The following STAU1 variants were observed in gnomAD, a reference collection of about 807,000 sequenced individuals.
STAU1 encodes staufen double-stranded RNA binding protein 1.
A neutral mutation model predicts 62.9 loss-of-function variants in STAU1; 13 were observed. The observed-to-expected ratio is 0.21, with a 90% CI of 0.13 to 0.33. The LOEUF (loss-of-function observed/expected upper bound fraction) is 0.33, where lower values mean the gene tolerates loss of function less well. Among genes scored for constraint, STAU1 ranks in the 10% least tolerant of loss-of-function variants. The pLI, the probability that STAU1 is intolerant of heterozygous loss-of-function variation, is 1.00. For missense variants in STAU1, 571 were observed against 712.1 expected (o/e 0.80, Z 2.25); for synonymous variants, 269 against 265.1 (o/e 1.01, Z -0.14).
intron 1 of STAU1, among the ~76,000 whole-genome samples, chr20:49,177,796 CAAAG>C (rs2093677844): frequency 6.6e-6 from 1 of 151,996 alleles, no homozygotes. Flanking sequence ...ATCAACTTAG[CAAAG>C]AAAGAAGAGA....
chr20:49,166,148 GCTCC>G lies in STAU1; in HGVS notation c.50_53del (p.Gly17AlafsTer4). ...GAGACTGGTTCTTGTTCAGTATTTG[GCTCC>G]CTGAGAGAGCAGCAGATGGGTTCTG... On this transcript the variant is annotated frameshift_variant, in exon 3 of 14. Transcript: ENST00000371856. LOFTEE classifies it high-confidence loss of function. The G allele has an allele frequency of 6.2e-7, 1 of 1,614,148 alleles. No individual in the cohort carries two copies. The highest frequency in any genetic ancestry group is 8.5e-7 in the Non-Finnish European group (1 of 1,180,018).
At chr20:49,146,647 G>A (rs886735481) in intron 5 of STAU1, among the ~76,000 whole-genome samples, 15 of 151,582 alleles carry the variant, frequency 9.9e-5, no homozygotes, top group African/African-American at 3.2e-4. Flanking sequence ...AGGCTGCAGT[G>A]AGCCTGCATG....
chr20:49,118,193 G>T, intron 10 of STAU1, 97 bp from the exon 11 acceptor site: 1 of 1,385,568 alleles, frequency 7.2e-7, no homozygotes, highest in South Asian at 1.2e-5. Context: ...CCCTTGGCAC[G>T]CATGGCAGCG....
the STAU1 span, among the ~76,000 whole-genome samples, chr20:49,208,376 T>G: frequency 6.6e-6 from 1 of 152,012 alleles, no homozygotes. Flanking sequence ...TATTTTTTTG[T>G]ATTTTTAGTA....
In STAU1 at chr20:49,117,355, A is replaced by G; in HGVS notation, c.1510-107T>C. 1 of 1,417,870 alleles carries G rather than the reference A, an allele frequency of 7.1e-7. No homozygotes were observed. Among genetic ancestry groups the G allele is most frequent in the Non-Finnish European group, 9.7e-7 (1 of 1,030,920 alleles). The allele number at this position is 1,417,870 out of a possible 1,614,324, so 87.8% of individuals were successfully genotyped here. On this transcript the variant is annotated intron_variant, in intron 11 of 13. Transcript: ENST00000371856. This position sits in a 1 kb window ranked among gnomAD's most constrained non-coding sequence, Gnocchi z 4.6. Reference sequence around the variant, plus strand: ...AGCAAGATCACCAGCTCTTTTTTCCAACTCAGCCCCACTGTGGCCATACTA... The same window carrying G: ...AGCAAGATCACCAGCTCTTTTTTCCGACTCAGCCCCACTGTGGCCATACTA...
the STAU1 span, among the ~76,000 whole-genome samples, chr20:49,196,032 A>G: frequency 2.7e-5 from 4 of 148,638 alleles, no homozygotes; most frequent in Non-Finnish European, 6.0e-5. Flanking sequence ...TGAGGTCAGG[A>G]GAATAGCCTG....
intron 6 of STAU1, among the ~76,000 whole-genome samples, chr20:49,133,162 C>A (rs1206435807): frequency 6.6e-6 from 1 of 152,172 alleles, no homozygotes; most frequent in Non-Finnish European, 1.5e-5. Context: ...GAGTTGAGAG[C>A]CAGATCTGAA....
At chr20:49,135,464 GA>G (rs1463963072) in intron 6 of STAU1, among the ~76,000 whole-genome samples, 1 of 152,212 alleles carries the variant, frequency 6.6e-6, no homozygotes, top group Non-Finnish European at 1.5e-5. Flanking sequence ...AAATTACTCT[GA>G]AGAGACCTTT....
intron 3 of STAU1, among the ~76,000 whole-genome samples, chr20:49,159,707 C>T (rs186170466): frequency 5.9e-4 from 90 of 152,230 alleles, no homozygotes; most frequent in Middle Eastern, 6.8e-3. Flanking sequence ...ACTACAGGTG[C>T]GCACCACCAC....
chr20:49,124,342 G>A (rs577912484), intron 7 of STAU1, 33 bp downstream of exon 7: 18 of 1,606,466 alleles, frequency 1.1e-5, no homozygotes, highest in Admixed American at 3.4e-5. Context: ...TATAAGTAAT[G>A]AAAACACCTT....
rs779906927 is a variant in STAU1, at chr20:49,172,158, TGTAACAG to T, written c.-85+2030_-85+2036del. Among the ~76,000 whole-genome samples the T allele has an allele frequency of 9.2e-5, 14 of 152,284 alleles. 1 individual carries two copies. Among genetic ancestry groups the T allele is most frequent in the Middle Eastern group, 6.8e-3 (2 of 294 alleles). On this transcript the variant is annotated intron_variant, in intron 2 of 13. Transcript: ENST00000371856. ...ATGGAGGACTTTCTTTCCACACAAA[TGTAACAG>T]TTGGGAGGTCAGATGGTCTGCTTAA...
chr20:49,119,835 G>A, intron 9 of STAU1, 147 bp downstream of exon 9: 1 of 988,572 alleles, frequency 1.0e-6, no homozygotes, highest in Non-Finnish European at 1.4e-6. Context: ...GCACATTATG[G>A]TCCAAATGGA....
At chr20:49,142,412 A>G (rs556683712) in intron 5 of STAU1, among the ~76,000 whole-genome samples, 2 of 152,230 alleles carry the variant, frequency 1.3e-5, no homozygotes, top group East Asian at 3.9e-4. Context: ...TTAAATAACA[A>G]TTTATACTAA....
chr20:49,151,444 TA>T, intron 5 of STAU1, 137 bp downstream of exon 5: 1 of 871,150 alleles, frequency 1.1e-6, no homozygotes, highest in East Asian at 3.1e-5. Flanking sequence ...CTACAGAGCA[TA>T]AAATCTTGGA....
At position 49,127,077 on chromosome 20, in the gene STAU1, G is replaced by A. The variant is rs555314791; in HGVS notation, c.610-2490C>T. On this transcript the variant is annotated intron_variant, in intron 6 of 13. Coordinates refer to ENST00000371856, the MANE Select transcript of STAU1 (RefSeq NM_017453.4). The stretch of plus-strand genomic sequence containing the variant: ...TCCTCAAAATTAAAAACCACTGGCC[G>A]GGCGCGGTGGCTCACGCCTGTAATC... Among the ~76,000 whole-genome samples, 8 of 152,268 alleles carry A rather than the reference G, an allele frequency of 5.3e-5. No homozygotes were observed. The South Asian group carries it at 6.2e-4, about 12-fold the overall frequency.
rs1568822470 is a variant in STAU1, at chr20:49,121,133, GT to G, written c.967-1006del. Reference sequence around the variant, plus strand: ...AATAAAAAACATCAACCAGCCGGGCGTGGTGGCTCACGCCTGTAATCCCAGC... The same window carrying G: ...AATAAAAAACATCAACCAGCCGGGCGGGTGGCTCACGCCTGTAATCCCAGC... On this transcript the variant is annotated intron_variant, in intron 8 of 13. Transcript: ENST00000371856. Among the ~76,000 whole-genome samples, 6 of 152,208 alleles carry G rather than the reference GT, an allele frequency of 3.9e-5. No individual in the cohort carries two copies. In the South Asian group the frequency reaches 1.2e-3, roughly 32 times the overall value.
chr20:49,120,400 T>C (rs1250825766), intron 8 of STAU1, among the ~76,000 whole-genome samples: 1 of 152,228 alleles, frequency 6.6e-6, no homozygotes, highest in Non-Finnish European at 1.5e-5. Flanking sequence ...TATAATCATC[T>C]GTGTTCTGAG....
At position 49,142,173 on chromosome 20, in the gene STAU1, G is replaced by A. The variant is rs1029007470; in HGVS notation, c.511-6242C>T. 5.9e-5 allele frequency among the ~76,000 whole-genome samples: 9 copies of A among 152,140 alleles called. No homozygotes were observed. In the South Asian group the frequency reaches 8.3e-4, roughly 14 times the overall value. On this transcript the variant is annotated intron_variant, in intron 5 of 13. Coordinates refer to ENST00000371856, the MANE Select transcript of STAU1 (RefSeq NM_017453.4). ...GCAATCTTGGCTCACTGCAACCTCCGCCTCCTGGGTTCCAGTGATTCTCCT... is the reference window on the plus strand; with the variant it reads ...GCAATCTTGGCTCACTGCAACCTCCACCTCCTGGGTTCCAGTGATTCTCCT...
the STAU1 span, among the ~76,000 whole-genome samples, chr20:49,195,313 G>T: frequency 1.4e-3 from 201 of 144,868 alleles, 3 homozygotes; most frequent in African/African-American, 5.0e-3. Context: ...CGAGGCAGGC[G>T]GATCACGAAG....
Sources: gnomAD v4.1 joint callset for allele counts (sites outside exome capture counted in the v4.1 genomes callset) on GRCh38, gnomAD v4.1.1 for gene constraint, Gnocchi (gnomAD v3.1) non-coding constraint, MANE v1.5 for transcripts, NCBI Gene and HGNC (gene_info 2026-07-23, HGNC 2026-07-21) for gene names.